Variants in CSMD1 observed in about 807,000 individuals in gnomAD.
CSMD1 encodes CUB and Sushi multiple domains 1, also known as CUB and sushi domain-containing protein 1.
Under a neutral mutation model 417.5 loss-of-function variants are expected in CSMD1, and 213 were observed. The ratio of observed to expected loss-of-function variants is 0.51; its 90% CI spans 0.46 to 0.57. CSMD1 has a LOEUF of 0.57. CSMD1 is among the 20% of genes least tolerant of loss of function. The pLI is 0.00. For synonymous variants in CSMD1, 2,862 were observed against 1,736.8 expected (o/e 1.65, Z -16.11); for missense variants, 6,923 against 4,529.7 (o/e 1.53, Z -15.17).
At chr8:3,276,039 T>G (rs2117184959) in intron 26 of CSMD1, among the ~76,000 whole-genome samples, 1 of 152,304 alleles carries the variant, frequency 6.6e-6, no homozygotes, top group Admixed American at 6.5e-5. Flanking sequence ...TCTGCTCTGT[T>G]TTTTCCCCAT....
intron 3 of CSMD1, among the ~76,000 whole-genome samples, chr8:4,195,193 T>C (rs182779009): frequency 1.7e-3 from 253 of 152,278 alleles, no homozygotes; most frequent in Non-Finnish European, 3.0e-3. Flanking sequence ...CAATGGAAAA[T>C]AAACTAAAAC....
At chr8:4,948,766 A>T (rs1808539037) in intron 1 of CSMD1, among the ~76,000 whole-genome samples, 1 of 152,106 alleles carries the variant, frequency 6.6e-6, no homozygotes, top group African/African-American at 2.4e-5. Flanking sequence ...TTCTTTCTTT[A>T]TAACCCTGAA....
At chr8:3,425,954 T>C (rs974555943) in intron 12 of CSMD1, among the ~76,000 whole-genome samples, 9 of 151,962 alleles carry the variant, frequency 5.9e-5, no homozygotes, top group Non-Finnish European at 1.2e-4. Flanking sequence ...ATAAAAGGGG[T>C]TTTATCTCAA....
intron 3 of CSMD1, among the ~76,000 whole-genome samples, chr8:4,356,680 T>C (rs1274026437): frequency 4.6e-5 from 7 of 152,208 alleles, no homozygotes; most frequent in African/African-American, 1.7e-4. Flanking sequence ...TGAGGGCTTC[T>C]TTCCATGTGT....
Position 3,317,008 on chromosome 8 carries a change from A to C in CSMD1, c.3632-8505T>G, listed in dbSNP as rs563944326. On this transcript the variant is annotated intron_variant, in intron 23 of 69. Transcript: ENST00000635120. ...TGAGGCAAGAGTGTGTGCGTGGATG[A>C]AGCATGCACAAATACTATTTTGCAA... 3.9e-5 allele frequency among the ~76,000 whole-genome samples: 6 copies of C among 152,168 alleles called. No homozygotes were observed. The South Asian group carries it at 1.2e-3, about 32-fold the overall frequency.
At chr8:3,743,526 G>C (rs149930701) in intron 6 of CSMD1, among the ~76,000 whole-genome samples, 26 of 152,294 alleles carry the variant, frequency 1.7e-4, no homozygotes, top group African/African-American at 6.0e-4. Flanking sequence ...AAAGAAACAA[G>C]GGTGGTTGCA....
At chr8:3,648,216 T>G (rs17066755) in intron 7 of CSMD1, among the ~76,000 whole-genome samples, 2 of 152,260 alleles carry the variant, frequency 1.3e-5, no homozygotes, top group Non-Finnish European at 2.9e-5. Flanking sequence ...CACCATATAC[T>G]AGAGACATGA....
intron 20 of CSMD1, among the ~76,000 whole-genome samples, chr8:3,364,255 C>A (rs996175656): frequency 6.6e-6 from 1 of 152,012 alleles, no homozygotes; most frequent in Non-Finnish European, 1.5e-5. Flanking sequence ...CTCTAACATA[C>A]CTGAAGAATT....
intron 1 of CSMD1, among the ~76,000 whole-genome samples, chr8:4,969,733 G>T (rs1008586312): frequency 2.6e-5 from 4 of 152,026 alleles, no homozygotes; most frequent in African/African-American, 4.8e-5. Context: ...CCACACTATT[G>T]CACTATGCTC....
chr8:4,913,860 G>C (rs910199442), intron 1 of CSMD1, among the ~76,000 whole-genome samples: 3 of 152,108 alleles, frequency 2.0e-5, no homozygotes, highest in Non-Finnish European at 4.4e-5. Flanking sequence ...AGCTGTTAAG[G>C]GATATTATTG....
chr8:4,299,239 C>A (rs1797851210), intron 3 of CSMD1, among the ~76,000 whole-genome samples: 1 of 152,084 alleles, frequency 6.6e-6, no homozygotes. Context: ...TAAAATAAGA[C>A]ACTGTAAATA....
In CSMD1 at chr8:3,259,375, G is replaced by A. The variant is rs76781745; in HGVS notation, c.4153+24769C>T. On this transcript the variant is annotated intron_variant, in intron 26 of 69. Coordinates refer to ENST00000635120, the MANE Select transcript of CSMD1 (RefSeq NM_033225.6). ...TCAGTCCTGCTTAGCTCTCAGCATG[G>A]AGGCTGCAGGTTTACGGACACTCAG... Among the ~76,000 whole-genome samples the A allele has an allele frequency of 2.7e-3, 416 of 152,296 alleles. 4 individuals are homozygous for A. The highest frequency in any genetic ancestry group is 9.5e-3 in the African/African-American group (396 of 41,558).
intron 23 of CSMD1, among the ~76,000 whole-genome samples, chr8:3,337,212 C>G (rs1807321470): frequency 6.6e-6 from 1 of 152,216 alleles, no homozygotes. Context: ...CGTCTCCTTA[C>G]TTATCTCAAA....
intron 10 of CSMD1, among the ~76,000 whole-genome samples, chr8:3,556,392 A>ATATATATATATATATATAT (rs1554468279): frequency 0.035 from 4,211 of 120,076 alleles, 293 homozygotes; most frequent in Middle Eastern, 0.047. Context: ...TATAATAATT[A>ATATATATATATATATATAT]ATATATATAT....
chr8:3,396,431 A>C, intron 16 of CSMD1, 50 bp from the exon 17 acceptor site: 3 of 1,331,106 alleles, frequency 2.3e-6, no homozygotes, highest in Non-Finnish European at 3.1e-6. Flanking sequence ...CTGCCAGCTT[A>C]CAGACGTGCT....
At chr8:3,533,717 T>C (rs1442018523) in intron 10 of CSMD1, among the ~76,000 whole-genome samples, 1 of 152,204 alleles carries the variant, frequency 6.6e-6, no homozygotes, top group African/African-American at 2.4e-5. Context: ...TGATGTATCA[T>C]CCTGGAACTC....
At chr8:3,364,551 G>A (rs897877825) in intron 20 of CSMD1, among the ~76,000 whole-genome samples, 19 of 152,182 alleles carry the variant, frequency 1.2e-4, no homozygotes, top group Admixed American at 3.9e-4. Context: ...TATATGGTCT[G>A]AGTGTGTTAC....
intron 41 of CSMD1, among the ~76,000 whole-genome samples, chr8:3,121,141 T>C (rs1022829335): frequency 5.3e-5 from 8 of 152,098 alleles, no homozygotes; most frequent in Non-Finnish European, 1.0e-4. Flanking sequence ...AAATGTCATA[T>C]CTTTCAATAG....
intron 5 of CSMD1, among the ~76,000 whole-genome samples, chr8:3,960,034 T>C (rs924882793): frequency 6.6e-6 from 1 of 152,218 alleles, no homozygotes; most frequent in African/African-American, 2.4e-5. Flanking sequence ...GCAAGGAGCC[T>C]TCTGGGCATC....
Sources: gnomAD v4.1 joint callset for allele counts (sites outside exome capture counted in the v4.1 genomes callset) on GRCh38, gnomAD v4.1.1 for gene constraint, MANE v1.5 for transcripts, NCBI Gene and HGNC (gene_info 2026-07-23, HGNC 2026-07-21) for gene names.